The following IRAG1 variants were observed in gnomAD, a reference collection of about 807,000 sequenced individuals.
IRAG1 encodes IP3R-associated cGMP kinase substrate.
IRAG1 carries 62 observed loss-of-function variants against 106.2 expected under a neutral mutation model. That is an observed-to-expected ratio of 0.58 (90% CI 0.48 to 0.72). The LOEUF is 0.72. IRAG1 is among the 30% of genes least tolerant of loss of function. The pLI, the probability that IRAG1 is intolerant of heterozygous loss-of-function variation, is 0.00. For missense variants in IRAG1, 1,064 were observed against 1,140.7 expected (o/e 0.93, Z 0.97); for synonymous variants, 462 against 443.9 (o/e 1.04, Z -0.51).
chr11:10,660,343 T>C (rs548109779), intron 1 of IRAG1, among the ~76,000 whole-genome samples: 1 of 152,362 alleles, frequency 6.6e-6, no homozygotes, highest in Admixed American at 6.5e-5. Flanking sequence ...TATGCTCTTC[T>C]GAAGATTTAT....
intron 4 of IRAG1, among the ~76,000 whole-genome samples, chr11:10,631,399 C>T (rs756892184): frequency 3.9e-5 from 6 of 152,222 alleles, no homozygotes; most frequent in Admixed American, 1.3e-4. Context: ...AATGCCACCT[C>T]CTCTGGAATA....
chr11:10,592,487 G>A (rs1852791310), intron 17 of IRAG1, among the ~76,000 whole-genome samples: 1 of 152,154 alleles, frequency 6.6e-6, no homozygotes. Flanking sequence ...GCTTGAGGCA[G>A]GAAGCAGTGA....
chr11:10,684,256 A>T (rs1212957478), intron 1 of IRAG1, among the ~76,000 whole-genome samples: 1 of 152,208 alleles, frequency 6.6e-6, no homozygotes, highest in Non-Finnish European at 1.5e-5. Flanking sequence ...GCACATATAC[A>T]CCATGGAATA....
At chr11:10,616,254 C>A (rs2134457202) in intron 10 of IRAG1, among the ~76,000 whole-genome samples, 1 of 146,732 alleles carries the variant, frequency 6.8e-6, no homozygotes, top group South Asian at 2.1e-4. Context: ...GATGGCACCA[C>A]TGCACTCCAG....
At chr11:10,641,069 C>G (rs1488235380) in intron 2 of IRAG1, among the ~76,000 whole-genome samples, 4 of 152,144 alleles carry the variant, frequency 2.6e-5, no homozygotes, top group African/African-American at 7.2e-5. Context: ...TCGACTGAAT[C>G]TTGCTATGTG....
In IRAG1 at chr11:10,626,121, G is replaced by T; in HGVS notation, c.1213C>A (p.Arg405=). The T allele has an allele frequency of 6.5e-7, 1 of 1,541,692 alleles. No individual in the cohort carries two copies. Among genetic ancestry groups the T allele is most frequent in the Non-Finnish European group, 8.7e-7 (1 of 1,143,370 alleles). The stretch of plus-strand genomic sequence containing the variant: ...AGCTTGGCAAGCACTTTCTGCAGCC[G>T]GGGGCCAGGTTCTTCAGGGCCACTG... ...WDSGPEEPGP[R]LQKVLAKLPL... Residue 405 remains arginine, a synonymous_variant, in exon 9 of 21, where the codon CGG becomes AGG. Coordinates refer to ENST00000423302, the MANE Select transcript of IRAG1 (RefSeq NM_130385.4).
intron 1 of IRAG1, among the ~76,000 whole-genome samples, chr11:10,664,316 G>T (rs561057072): frequency 6.6e-6 from 1 of 152,284 alleles, no homozygotes; most frequent in East Asian, 1.9e-4. Flanking sequence ...TCCACTCTGG[G>T]AATCCCAGTT....
chr11:10,623,898 A>ACTGGG (rs1216264052), intron 9 of IRAG1, 42 bp from the exon 10 acceptor site: 2 of 1,565,538 alleles, frequency 1.3e-6, no homozygotes, highest in East Asian at 4.5e-5. Flanking sequence ...AGATGATGAC[A>ACTGGG]CTGGGCTGGG....
chr11:10,607,355 C>T (rs1003723081), intron 11 of IRAG1, among the ~76,000 whole-genome samples: 1 of 152,162 alleles, frequency 6.6e-6, no homozygotes, highest in East Asian at 1.9e-4. Flanking sequence ...GACCAGGGTT[C>T]TTCTCCACAG....
At chr11:10,692,820 C>T (rs1220928164) in intron 1 of IRAG1, among the ~76,000 whole-genome samples, 1 of 152,200 alleles carries the variant, frequency 6.6e-6, no homozygotes, top group East Asian at 1.9e-4. Context: ...CTCTCTCTGG[C>T]CTCTGGCTTC....
Position 10,634,045 on chromosome 11 carries a change from G to A in IRAG1, c.252C>T (p.Cys84=). The change falls in exon 3 of 21, where the codon TGC becomes TGT. Residue 84 remains cysteine (C), a synonymous_variant. Coordinates refer to ENST00000423302, the MANE Select transcript of IRAG1 (RefSeq NM_130385.4). ...TCAGGACAATCGTGGGAGTTGGACT[G>A]CAAGATACTCCTGCGGCAGGAGGAC... is the stretch of plus-strand genomic sequence containing the variant. ...GQGPPAAGVS[C]SPTPTIVLTG... is the part of the protein sequence containing the mutation. 1 of 1,611,846 alleles carries A rather than the reference G, an allele frequency of 6.2e-7. No homozygotes were observed. Among genetic ancestry groups the A allele is most frequent in the Non-Finnish European group, 8.5e-7 (1 of 1,178,742 alleles).
At chr11:10,654,894 G>A (rs546787469) in intron 1 of IRAG1, among the ~76,000 whole-genome samples, 7 of 152,262 alleles carry the variant, frequency 4.6e-5, no homozygotes, top group African/African-American at 1.4e-4. Context: ...TGAGAACTAC[G>A]GGGCCAGGGC....
chr11:10,602,897 T>TC (rs1376008024), intron 14 of IRAG1, among the ~76,000 whole-genome samples: 1 of 152,126 alleles, frequency 6.6e-6, no homozygotes, highest in East Asian at 1.9e-4. Context: ...TATGCAGTAG[T>TC]CCCCAAACTT....
chr11:10,679,027 A>AG (rs1242610510), intron 1 of IRAG1, among the ~76,000 whole-genome samples: 1 of 152,174 alleles, frequency 6.6e-6, no homozygotes, highest in Non-Finnish European at 1.5e-5. Flanking sequence ...CCTTGGACCA[A>AG]GGGGTCCCCT....
chr11:10,580,642 C>A (rs1851293443), intron 19 of IRAG1, 53 bp from the exon 20 acceptor site: 1 of 1,592,366 alleles, frequency 6.3e-7, no homozygotes, highest in African/African-American at 1.4e-5. Context: ...GCAGTGCATC[C>A]TTTCCTGAGT....
At position 10,647,751 on chromosome 11, in the gene IRAG1, C is replaced by T. The variant is rs1858082288; in HGVS notation, c.225+4274G>A. Among the ~76,000 whole-genome samples, 1 of 152,136 alleles carries T rather than the reference C, an allele frequency of 6.6e-6. No individual in the cohort carries two copies. Among genetic ancestry groups the T allele is most frequent in the African/African-American group, 2.4e-5 (1 of 41,424 alleles). On this transcript the variant is annotated intron_variant, in intron 2 of 20. Coordinates refer to ENST00000423302, the MANE Select transcript of IRAG1 (RefSeq NM_130385.4). The surrounding 1 kb of genome is among the most constrained non-coding windows in gnomAD (Gnocchi z 4.3). ...ACTCATCTAGGCCTAGGTAAGATTG[C>T]ATCTGGAGCCTGGGGCCAGGTCTGG...
chr11:10,581,996 A>T lies in IRAG1; in HGVS notation c.2241-10T>A. 6.2e-7 allele frequency: 1 copy of T among 1,611,640 alleles called. No homozygotes were observed. Among genetic ancestry groups the T allele is most frequent in the Non-Finnish European group, 8.5e-7 (1 of 1,178,870 alleles). ...CCCATTTGTCTTTCCACTAGTGAGA[A>T]GAGGGAAGTACAGGGCATCATTTCA... is the stretch of plus-strand genomic sequence containing the variant. On this transcript the variant is annotated splice_polypyrimidine_tract_variant and intron_variant, in intron 18 of 20. Transcript: ENST00000423302.
chr11:10,671,728 AAC>A (rs1315676076), intron 1 of IRAG1, among the ~76,000 whole-genome samples: 1 of 126,966 alleles, frequency 7.9e-6, no homozygotes, highest in Non-Finnish European at 1.8e-5. Flanking sequence ...AACAACAACA[AAC>A]ACAACAACAA....
chr11:10,576,799 A>G (rs1314511421), intron 20 of IRAG1, among the ~76,000 whole-genome samples: 3 of 152,312 alleles, frequency 2.0e-5, no homozygotes, highest in Admixed American at 6.5e-5. Flanking sequence ...AAATTTTCCC[A>G]GGTGATTTTG....
Sources: allele counts gnomAD v4.1 joint callset (sites outside exome capture counted in the v4.1 genomes callset), GRCh38; gene constraint gnomAD v4.1.1; non-coding constraint Gnocchi (gnomAD v3.1); transcripts MANE v1.5; gene names NCBI Gene and HGNC (gene_info 2026-07-23, HGNC 2026-07-21).